Variants in ACOT9 observed in about 807,000 individuals in gnomAD.
ACOT9 encodes acyl-coenzyme A thioesterase 9, mitochondrial.
Under a neutral mutation model 39.7 loss-of-function variants are expected in ACOT9, and 34 were observed. That is an observed-to-expected ratio of 0.86 (90% CI 0.65 to 1.14). The LOEUF (loss-of-function observed/expected upper bound fraction) is 1.14, where lower values mean the gene tolerates loss of function less well. Among genes scored for constraint, ACOT9 ranks in the 50% most tolerant of loss-of-function variants. The probability of loss-of-function intolerance (pLI) is 0.00; values close to 1 mark genes in which losing one functional copy is unlikely to be tolerated. For synonymous variants in ACOT9, 110 were observed against 120.5 expected, an observed-to-expected ratio of 0.91 and a Z score of 0.57; for missense variants, 313 against 344.1, an observed-to-expected ratio of 0.91 and a Z score of 0.71.
intron 8 of ACOT9, among the ~76,000 whole-genome samples, chrX:23,719,991 C>T (rs567856757): frequency 6.7e-5 from 7 of 104,652 alleles, no homozygotes; most frequent in African/African-American, 1.7e-4. Flanking sequence ...CCCGCCACCA[C>T]GCCCGGCTAA....
intron 6 of ACOT9, among the ~76,000 whole-genome samples, chrX:23,724,726 C>T (rs1031097049): frequency 3.7e-5 from 4 of 109,202 alleles, no homozygotes; most frequent in African/African-American, 3.4e-5. Flanking sequence ...GAGTGGTGAT[C>T]GCACCACTGG....
intron 6 of ACOT9, among the ~76,000 whole-genome samples, chrX:23,727,998 C>CA (rs757698040): frequency 0.076 from 2,924 of 38,598 alleles, 178 homozygotes; most frequent in African/African-American, 0.23. Context: ...GACTCTGTCT[C>CA]AAAAAAAAAA....
intron 4 of ACOT9, among the ~76,000 whole-genome samples, chrX:23,731,897 G>A (rs1929767608): frequency 9.0e-6 from 1 of 111,722 alleles, no homozygotes; most frequent in Non-Finnish European, 1.9e-5. Flanking sequence ...AAAGACAAGG[G>A]GATACGGAAC....
At chrX:23,731,060 T>A (rs1601819134) in intron 4 of ACOT9, 74 bp from the exon 5 acceptor site, 2 of 888,274 alleles carry the variant, frequency 2.3e-6, no homozygotes, top group East Asian at 6.6e-5. Context: ...CACAGGCCAG[T>A]AAGATACCAT....
intron 8 of ACOT9, among the ~76,000 whole-genome samples, chrX:23,715,367 C>T (rs1437692977): frequency 2.7e-5 from 3 of 111,719 alleles, no homozygotes; most frequent in Non-Finnish European, 5.6e-5. Flanking sequence ...CACGACATTC[C>T]TCCCCTCCCC....
intron 9 of ACOT9, 57 bp downstream of exon 9, chrX:23,713,078 G>A: frequency 3.0e-6 from 3 of 993,898 alleles, no homozygotes; most frequent in Non-Finnish European, 4.3e-6. Context: ...TTTCTCTCCA[G>A]TCTTATGTAT....
intron 9 of ACOT9, among the ~76,000 whole-genome samples, chrX:23,710,640 G>A (rs1200937921): frequency 9.0e-6 from 1 of 111,679 alleles, no homozygotes; most frequent in African/African-American, 3.3e-5. Context: ...GATCACTTGA[G>A]CCCAGGATTT....
In ACOT9 at chrX:23,724,887, T is replaced by C. The variant is rs760880883; in HGVS notation, c.401-2134A>G. On this transcript the variant is annotated intron_variant, in intron 6 of 15. Transcript: ENST00000379303. ...GCAAGTTTAAGGTTGCAGTAGGCTA[T>C]GATTTTACCACTGCACTACAGCCCG... is the stretch of plus-strand genomic sequence containing the variant. Among the ~76,000 whole-genome samples, 29 of 111,508 alleles carry C rather than the reference T, an allele frequency of 2.6e-4. No individual in the cohort carries two copies. In the South Asian group the frequency reaches 0.011, roughly 42 times the overall value.
At chrX:23,708,064 G>T in intron 9 of ACOT9, 120 bp from the exon 10 acceptor site, 1 of 588,175 alleles carries the variant, frequency 1.7e-6, no homozygotes. Flanking sequence ...AGTGCTTACT[G>T]CTTGCCTTAC....
chrX:23,732,252 A>T (rs1355080238), intron 4 of ACOT9, among the ~76,000 whole-genome samples: 1 of 112,923 alleles, frequency 8.9e-6, no homozygotes, highest in Non-Finnish European at 1.9e-5. Context: ...TATTACACAA[A>T]ATGGTAACAG....
chrX:23,706,798 T>G, intron 10 of ACOT9, 59 bp from the exon 11 acceptor site: 1 of 687,235 alleles, frequency 1.5e-6, no homozygotes, highest in Non-Finnish European at 2.2e-6. Context: ...GCACACGGTA[T>G]TCTGACCTGG....
chrX:23,719,995 C>T (rs1010949837), intron 8 of ACOT9, among the ~76,000 whole-genome samples: 17 of 103,132 alleles, frequency 1.6e-4, no homozygotes, highest in East Asian at 8.5e-4. Context: ...CCACCACGCC[C>T]GGCTAATTTT....
At chrX:23,716,845 C>T (rs1187276822) in intron 8 of ACOT9, among the ~76,000 whole-genome samples, 1 of 109,880 alleles carries the variant, frequency 9.1e-6, no homozygotes, top group East Asian at 2.8e-4. Context: ...CGCCACCACA[C>T]CAGCTAATTT....
chrX:23,731,020 G>A, intron 4 of ACOT9, 34 bp from the exon 5 acceptor site: 1 of 1,166,670 alleles, frequency 8.6e-7, no homozygotes, highest in Admixed American at 2.3e-5. Flanking sequence ...CATAAAACAA[G>A]AGCAGTTCTA....
At chrX:23,741,302 A>C (rs188038899) in intron 1 of ACOT9, among the ~76,000 whole-genome samples, 25 of 108,087 alleles carry the variant, frequency 2.3e-4, no homozygotes, top group African/African-American at 7.5e-4. Flanking sequence ...ATGATCCAGC[A>C]ATTTCTCTTC....
intron 8 of ACOT9, among the ~76,000 whole-genome samples, chrX:23,718,050 T>A (rs1929144237): frequency 9.5e-6 from 1 of 104,779 alleles, no homozygotes; most frequent in Admixed American, 1.1e-4. Flanking sequence ...ATCATGCCAC[T>A]GCACTCCAGC....
At chrX:23,716,713 G>T (rs755300949) in intron 8 of ACOT9, among the ~76,000 whole-genome samples, 1 of 111,444 alleles carries the variant, frequency 9.0e-6, no homozygotes, top group South Asian at 3.8e-4. Flanking sequence ...TTGAGATGGG[G>T]TCTCACTCTG....
At chrX:23,735,133 C>T (rs1220124783) in intron 2 of ACOT9, among the ~76,000 whole-genome samples, 2 of 99,601 alleles carry the variant, frequency 2.0e-5, no homozygotes, top group Admixed American at 2.3e-4. Flanking sequence ...ATTAGTTGGG[C>T]GTGGTGGAGC....
rs952079546 is a variant in ACOT9, at chrX:23,705,309, A to C, written c.1019+200T>G. 4.2e-4 allele frequency among the ~76,000 whole-genome samples: 47 copies of C among 111,778 alleles called. No individual in the cohort carries two copies. The Admixed American group carries it at 4.2e-3, about 10-fold the overall frequency. ...CATATCATCACTGTATTTTCTCAGT[A>C]GTTTTTTTAATGTATGAACTTACAA... On this transcript the variant is annotated intron_variant, in intron 13 of 15. Transcript: ENST00000379303.
Sources: gnomAD v4.1 joint callset for allele counts (sites outside exome capture counted in the v4.1 genomes callset) on GRCh38, gnomAD v4.1.1 for gene constraint, MANE v1.5 for transcripts, NCBI Gene and HGNC (gene_info 2026-07-23, HGNC 2026-07-21) for gene names.